Variants in UBR3 observed in about 807,000 individuals in gnomAD.
UBR3 encodes the protein ubiquitin protein ligase E3 component n-recognin 3, also known as E3 ubiquitin-protein ligase UBR3.
In UBR3, 85 loss-of-function variants were observed where a neutral mutation model predicts 243.2. That is an observed-to-expected ratio of 0.35 (90% CI 0.29 to 0.42). UBR3 has a LOEUF of 0.42. Among genes scored for constraint, UBR3 ranks in the 10% least tolerant of loss-of-function variants. UBR3 has a pLI of 1.00. For missense variants in UBR3, 1,686 were observed against 2,300.8 expected, an observed-to-expected ratio of 0.73 and a Z score of 5.47; for synonymous variants, 748 against 799.8, an observed-to-expected ratio of 0.94 and a Z score of 1.09.
At chr2:169,929,442 G>T (rs1237971834) in intron 18 of UBR3, among the ~76,000 whole-genome samples, 1 of 152,066 alleles carries the variant, frequency 6.6e-6, no homozygotes, top group African/African-American at 2.4e-5. Context: ...CAGGCATGGT[G>T]GCAGGTGCCT....
At chr2:169,875,476 G>A (rs1574096490) in intron 2 of UBR3, among the ~76,000 whole-genome samples, 1 of 151,960 alleles carries the variant, frequency 6.6e-6, no homozygotes, top group South Asian at 2.1e-4. Context: ...CTACAGGCGC[G>A]CACCACCACA....
intron 19 of UBR3, among the ~76,000 whole-genome samples, chr2:169,936,807 T>C (rs912468752): frequency 2.6e-5 from 4 of 152,182 alleles, no homozygotes; most frequent in Admixed American, 6.5e-5. Context: ...TTGGTCAGAA[T>C]GATGGTTTCC....
At chr2:169,924,805 C>T (rs553243862) in intron 13 of UBR3, among the ~76,000 whole-genome samples, 39 of 152,242 alleles carry the variant, frequency 2.6e-4, no homozygotes, top group Admixed American at 3.9e-4. Context: ...GAGGCCAAGG[C>T]GGGCAGATCA....
At chr2:169,940,101 T>G (rs1574248078) in intron 19 of UBR3, among the ~76,000 whole-genome samples, 1 of 152,186 alleles carries the variant, frequency 6.6e-6, no homozygotes, top group East Asian at 1.9e-4. Context: ...TGTGTAATGA[T>G]CAAATCAGGG....
At chr2:169,959,223 T>G (rs989459794) in intron 24 of UBR3, among the ~76,000 whole-genome samples, 1 of 152,160 alleles carries the variant, frequency 6.6e-6, no homozygotes, top group Non-Finnish European at 1.5e-5. Context: ...TTTGTTTACC[T>G]AAACTCATAA....
intron 1 of UBR3, among the ~76,000 whole-genome samples, chr2:169,870,141 T>C (rs2083389849): frequency 6.6e-6 from 1 of 152,238 alleles, no homozygotes; most frequent in Non-Finnish European, 1.5e-5. Context: ...GTATATAGTA[T>C]AAGATAGGAA....
intron 18 of UBR3, among the ~76,000 whole-genome samples, chr2:169,930,655 G>A (rs2086086959): frequency 6.6e-6 from 1 of 152,156 alleles, no homozygotes; most frequent in African/African-American, 2.4e-5. Flanking sequence ...AAAGTGCTGG[G>A]ATTGCAGGTG....
At chr2:169,829,851 ACACG>A (rs947754413) in intron 1 of UBR3, among the ~76,000 whole-genome samples, 1 of 140,064 alleles carries the variant, frequency 7.1e-6, no homozygotes, top group African/African-American at 2.5e-5. Flanking sequence ...ACACACACAC[ACACG>A]GAAGTTTTTC....
At chr2:169,847,460 T>A (rs1574035736) in intron 1 of UBR3, among the ~76,000 whole-genome samples, 1 of 152,198 alleles carries the variant, frequency 6.6e-6, no homozygotes, top group Admixed American at 6.5e-5. Flanking sequence ...AGAAACCTTA[T>A]AATAGTTTGC....
chr2:169,981,661 C>T (rs2088736873), intron 24 of UBR3, among the ~76,000 whole-genome samples: 1 of 151,930 alleles, frequency 6.6e-6, no homozygotes, highest in Non-Finnish European at 1.5e-5. Context: ...AAAAGTTGGA[C>T]TTTAGTTAAT....
At chr2:169,869,526 T>C (rs1574084214) in intron 1 of UBR3, among the ~76,000 whole-genome samples, 1 of 152,096 alleles carries the variant, frequency 6.6e-6, no homozygotes, top group African/African-American at 2.4e-5. Flanking sequence ...ACCCAGCAGA[T>C]TGATAAGGAT....
intron 38 of UBR3, among the ~76,000 whole-genome samples, chr2:170,080,885 GA>G (rs544005758): frequency 1.3e-3 from 193 of 152,260 alleles, no homozygotes; most frequent in African/African-American, 4.5e-3. Context: ...ATTACCATGT[GA>G]GGTTTTTGCC....
At chr2:169,954,165 TTTGTC>T (rs77961475) in intron 23 of UBR3, among the ~76,000 whole-genome samples, 50,303 of 140,592 alleles carry the variant, frequency 0.36, 9,267 homozygotes, top group East Asian at 0.57. Context: ...TAATGTTTGA[TTTGTC>T]TTGTCTTGTC....
chr2:169,846,956 A>C (rs2082500523), intron 1 of UBR3, among the ~76,000 whole-genome samples: 1 of 152,116 alleles, frequency 6.6e-6, no homozygotes, highest in African/African-American at 2.4e-5. Flanking sequence ...GGCTGGTTTC[A>C]AACTCCTGGA....
At chr2:169,848,370 A>T (rs2082554545) in intron 1 of UBR3, among the ~76,000 whole-genome samples, 3 of 146,508 alleles carry the variant, frequency 2.0e-5, no homozygotes, top group African/African-American at 5.0e-5. Context: ...GTTAAGTAGT[A>T]CTTTGATTAT....
intron 3 of UBR3, among the ~76,000 whole-genome samples, 185 bp from the exon 4 acceptor site, chr2:169,877,309 T>G (rs1214836904): frequency 6.6e-6 from 1 of 152,244 alleles, no homozygotes; most frequent in Non-Finnish European, 1.5e-5. Flanking sequence ...ACATGCTGTG[T>G]ATTCTCGGAT....
intron 32 of UBR3, 93 bp downstream of exon 32, chr2:170,041,078 C>G: frequency 7.9e-7 from 1 of 1,266,934 alleles, no homozygotes; most frequent in Non-Finnish European, 1.1e-6. Context: ...TGTGGTGGCT[C>G]ATGCTTGTAA....
chr2:170,001,644 C>T (rs1482138277), intron 27 of UBR3, among the ~76,000 whole-genome samples: 2 of 151,964 alleles, frequency 1.3e-5, no homozygotes, highest in African/African-American at 4.8e-5. Context: ...GCCTGTAATC[C>T]CAGCACTGTG....
intron 24 of UBR3, among the ~76,000 whole-genome samples, chr2:169,970,086 T>A (rs1341967743): frequency 7.9e-6 from 1 of 126,508 alleles, no homozygotes; most frequent in Non-Finnish European, 1.8e-5. Flanking sequence ...GTAGATCACT[T>A]TTGGTAGTGT....
Sources: gnomAD v4.1 joint callset for allele counts (sites outside exome capture counted in the v4.1 genomes callset) on GRCh38, gnomAD v4.1.1 for gene constraint, MANE v1.5 for transcripts, NCBI Gene and HGNC (gene_info 2026-07-23, HGNC 2026-07-21) for gene names.